Variants in CCDC178 observed in about 807,000 individuals in gnomAD.
CCDC178 encodes the protein coiled-coil domain-containing protein 178.
Under a neutral mutation model 117.4 loss-of-function variants are expected in CCDC178, and 126 were observed. That is an observed-to-expected ratio of 1.07 (90% confidence interval 0.93 to 1.24). The LOEUF (loss-of-function observed/expected upper bound fraction) is 1.24, where lower values mean the gene tolerates loss of function less well. Among genes scored for constraint, CCDC178 ranks in the 50% most tolerant of loss-of-function variants. The pLI, the probability that CCDC178 is intolerant of heterozygous loss-of-function variation, is 0.00. For synonymous variants in CCDC178, 283 were observed against 313.4 expected (o/e 0.90, Z 1.02); for missense variants, 1,030 against 986.9 (o/e 1.04, Z -0.59).
intron 22 of CCDC178, among the ~76,000 whole-genome samples, chr18:32,970,727 A>G (rs534199854): frequency 6.6e-6 from 1 of 152,186 alleles, no homozygotes; most frequent in African/African-American, 2.4e-5. Context: ...CCTTGCTACA[A>G]TACACCCTAA....
At chr18:33,249,114 CTT>C (rs1431686345) in intron 14 of CCDC178, among the ~76,000 whole-genome samples, 11 of 151,488 alleles carry the variant, frequency 7.3e-5, no homozygotes, top group Non-Finnish European at 1.3e-4. Flanking sequence ...TGATGGGGTT[CTT>C]TGTTTTTCTC....
intron 20 of CCDC178, among the ~76,000 whole-genome samples, chr18:33,191,335 C>T (rs2058855780): frequency 1.3e-5 from 2 of 152,118 alleles, no homozygotes; most frequent in African/African-American, 4.8e-5. Context: ...GGTAAATTGT[C>T]AACAAATGTT....
chr18:32,955,653 A>C (rs2054578815), intron 22 of CCDC178, among the ~76,000 whole-genome samples: 1 of 152,106 alleles, frequency 6.6e-6, no homozygotes, highest in African/African-American at 2.4e-5. Flanking sequence ...ATACACTCCC[A>C]GATCTTTGTC....
chr18:33,027,889 C>T (rs1425713555), intron 21 of CCDC178, among the ~76,000 whole-genome samples: 1 of 150,972 alleles, frequency 6.6e-6, no homozygotes, highest in Non-Finnish European at 1.5e-5. Flanking sequence ...AGATTTCCAA[C>T]CAAAAAACAA....
At chr18:33,167,516 A>C (rs1328616436) in intron 20 of CCDC178, among the ~76,000 whole-genome samples, 1 of 152,034 alleles carries the variant, frequency 6.6e-6, no homozygotes, top group Non-Finnish European at 1.5e-5. Flanking sequence ...ATGACTAGTG[A>C]TGTTGTGCAT....
At chr18:33,019,375 CT>C in intron 21 of CCDC178, among the ~76,000 whole-genome samples, 2 of 152,252 alleles carry the variant, frequency 1.3e-5, no homozygotes, top group African/African-American at 4.8e-5. Flanking sequence ...TCATATCAGG[CT>C]GCCATATGGA....
At chr18:33,154,797 T>C (rs1234018536) in intron 20 of CCDC178, among the ~76,000 whole-genome samples, 1 of 152,108 alleles carries the variant, frequency 6.6e-6, no homozygotes, top group Non-Finnish European at 1.5e-5. Flanking sequence ...ATATTATCAG[T>C]GATAAAGGTC....
At chr18:33,013,005 A>C (rs759363535) in intron 21 of CCDC178, among the ~76,000 whole-genome samples, 17 of 152,172 alleles carry the variant, frequency 1.1e-4, no homozygotes, top group Middle Eastern at 3.2e-3. Flanking sequence ...CTTGTTTATA[A>C]GAGAATGGAG....
intron 22 of CCDC178, among the ~76,000 whole-genome samples, chr18:32,959,886 C>A (rs756532450): frequency 1.3e-5 from 2 of 151,728 alleles, no homozygotes; most frequent in Non-Finnish European, 2.9e-5. Context: ...AATAAAAATG[C>A]TGGAGTCTTT....
At chr18:33,181,647 T>A (rs72945380) in intron 20 of CCDC178, among the ~76,000 whole-genome samples, 7,727 of 151,974 alleles carry the variant, frequency 0.051, 298 homozygotes, top group East Asian at 0.11. Context: ...TTTTTATGTT[T>A]CTGAGAATCA....
chr18:33,108,598 A>G (rs1165227043), intron 20 of CCDC178, among the ~76,000 whole-genome samples: 1 of 151,582 alleles, frequency 6.6e-6, no homozygotes, highest in Non-Finnish European at 1.5e-5. Context: ...TATTCACTTG[A>G]TGATTTGTTG....
chr18:33,057,244 G>T (rs914985049), intron 21 of CCDC178, among the ~76,000 whole-genome samples: 2 of 152,116 alleles, frequency 1.3e-5, no homozygotes, highest in African/African-American at 4.8e-5. Context: ...GGCCTTAGGG[G>T]CAAAGTTGTT....
chr18:32,972,195 A>T (rs1303525218), intron 22 of CCDC178, among the ~76,000 whole-genome samples: 1 of 152,112 alleles, frequency 6.6e-6, no homozygotes, highest in Admixed American at 6.5e-5. Flanking sequence ...TAATTTTTGT[A>T]TAAGGTGTAA....
chr18:33,362,667 T>G (rs1419177231), intron 6 of CCDC178, among the ~76,000 whole-genome samples: 1 of 151,972 alleles, frequency 6.6e-6, no homozygotes, highest in Non-Finnish European at 1.5e-5. Flanking sequence ...TGTGTCTGTC[T>G]GTATGTATCC....
chr18:33,401,000 C>T (rs114891237), intron 3 of CCDC178, among the ~76,000 whole-genome samples: 2,741 of 152,142 alleles, frequency 0.018, 84 homozygotes, highest in African/African-American at 0.062. Flanking sequence ...ATTGTTATGT[C>T]TCAGGGAACA....
chr18:33,439,346 G>A (rs545484804), intron 2 of CCDC178, among the ~76,000 whole-genome samples: 18 of 151,976 alleles, frequency 1.2e-4, no homozygotes, highest in African/African-American at 4.3e-4. Flanking sequence ...GAGCAGGAGA[G>A]AGAAGTCTGG....
chr18:33,109,634 T>C (rs373408859), intron 20 of CCDC178, among the ~76,000 whole-genome samples: 29 of 151,564 alleles, frequency 1.9e-4, no homozygotes, highest in African/African-American at 7.0e-4. Flanking sequence ...CTCACTCATC[T>C]CCATTCCCAG....
At chr18:33,089,471 A>G (rs1453749220) in intron 21 of CCDC178, among the ~76,000 whole-genome samples, 1 of 152,160 alleles carries the variant, frequency 6.6e-6, no homozygotes, top group African/African-American at 2.4e-5. Context: ...CAAACAATAT[A>G]GCACAAATAC....
chr18:33,114,283 T>C lies in CCDC178; in HGVS notation c.2239-21373A>G, dbSNP rs1219869974. Reference sequence around the variant, plus strand: ...GAGGAAGAGGCCAGATGTCAGAGAATGTCTGCAGCACATTCTGCATCAGCC... The same window carrying C: ...GAGGAAGAGGCCAGATGTCAGAGAACGTCTGCAGCACATTCTGCATCAGCC... On this transcript the variant is annotated intron_variant, in intron 20 of 22. Coordinates refer to ENST00000383096, the MANE Select transcript of CCDC178 (RefSeq NM_001105528.4). 2.6e-5 allele frequency among the ~76,000 whole-genome samples: 4 copies of C among 151,968 alleles called. No homozygotes were observed. The South Asian group carries it at 6.2e-4, about 24-fold the overall frequency.
Sources: gnomAD v4.1 joint callset for allele counts (sites outside exome capture counted in the v4.1 genomes callset) on GRCh38, gnomAD v4.1.1 for gene constraint, MANE v1.5 for transcripts, NCBI Gene and HGNC (gene_info 2026-07-23, HGNC 2026-07-21) for gene names.